The following RBM47 variants were observed in gnomAD, a reference collection of about 807,000 sequenced individuals.
RBM47 encodes RNA-binding protein 47.
Under a neutral mutation model 47.1 loss-of-function variants are expected in RBM47, and 21 were observed. That is an observed-to-expected ratio of 0.45 (90% CI 0.32 to 0.64). RBM47 has a LOEUF of 0.64. Ranked by LOEUF, RBM47 falls within the 30% of genes least tolerant of loss-of-function variation. The pLI is 0.05. For synonymous variants in RBM47, 375 were observed against 361.7 expected (o/e 1.04, Z -0.42); for missense variants, 708 against 870.9 (o/e 0.81, Z 2.35).
intron 2 of RBM47, among the ~76,000 whole-genome samples, chr4:40,511,420 G>C (rs111985694): frequency 6.6e-6 from 1 of 152,188 alleles, no homozygotes; most frequent in East Asian, 1.9e-4. Context: ...AAACAAGAAC[G>C]CTTGTAGAGA....
At chr4:40,507,838 G>A (rs1288677880) in intron 2 of RBM47, among the ~76,000 whole-genome samples, 1 of 151,592 alleles carries the variant, frequency 6.6e-6, no homozygotes, top group Non-Finnish European at 1.5e-5. Context: ...AATTTGAAGG[G>A]AAAAAGAGAC....
chr4:40,533,538 G>T (rs1403420527), intron 2 of RBM47, among the ~76,000 whole-genome samples: 1 of 151,962 alleles, frequency 6.6e-6, no homozygotes, highest in South Asian at 2.1e-4. Flanking sequence ...TACACCAGAG[G>T]TTATCTATAC....
At chr4:40,477,092 A>C (rs757685649) in intron 2 of RBM47, among the ~76,000 whole-genome samples, 1 of 152,070 alleles carries the variant, frequency 6.6e-6, no homozygotes, top group Non-Finnish European at 1.5e-5. Context: ...CTGAGGCATG[A>C]GAATCGCTAG....
chr4:40,432,630 T>G, intron 6 of RBM47, 21 bp downstream of exon 6: 1 of 1,610,098 alleles, frequency 6.2e-7, no homozygotes, highest in Non-Finnish European at 8.5e-7. Flanking sequence ...CAAATGACAA[T>G]GCCTGCAATA....
At chr4:40,481,417 T>G (rs1157808655) in intron 2 of RBM47, among the ~76,000 whole-genome samples, 2 of 147,262 alleles carry the variant, frequency 1.4e-5, no homozygotes, top group Non-Finnish European at 3.0e-5. Flanking sequence ...GGACTACAGG[T>G]GAATGTCACC....
At chr4:40,579,336 C>T (rs113837706) in intron 1 of RBM47, among the ~76,000 whole-genome samples, 12 of 145,856 alleles carry the variant, frequency 8.2e-5, no homozygotes, top group African/African-American at 3.0e-4. Context: ...GCAGGAGAAC[C>T]ACTTGAACCC....
At chr4:40,461,846 A>G (rs1395779207) in intron 3 of RBM47, among the ~76,000 whole-genome samples, 6 of 152,062 alleles carry the variant, frequency 3.9e-5, no homozygotes, top group Non-Finnish European at 5.9e-5. Context: ...GAGGTAGGAG[A>G]ATCGCTTGAA....
chr4:40,511,845 G>T (rs1048383694), intron 2 of RBM47, among the ~76,000 whole-genome samples: 2 of 150,912 alleles, frequency 1.3e-5, no homozygotes, highest in Non-Finnish European at 2.9e-5. Context: ...TGAGGCAGGA[G>T]AATCGCCTGA....
At chr4:40,547,773 CA>C (rs1339571726) in intron 1 of RBM47, among the ~76,000 whole-genome samples, 1 of 152,212 alleles carries the variant, frequency 6.6e-6, no homozygotes, top group African/African-American at 2.4e-5. Context: ...TGAGGCCATA[CA>C]AAAGACGGCT....
chr4:40,479,131 T>C (rs112008590), intron 2 of RBM47, among the ~76,000 whole-genome samples: 2,263 of 152,316 alleles, frequency 0.015, 63 homozygotes, highest in African/African-American at 0.051. Flanking sequence ...TAAAGCAGTA[T>C]CCACAAGCCT....
intron 2 of RBM47, among the ~76,000 whole-genome samples, chr4:40,468,022 A>T (rs549237505): frequency 1.3e-5 from 2 of 152,346 alleles, no homozygotes; most frequent in South Asian, 4.1e-4. Flanking sequence ...GTGGTGGCTC[A>T]TGCCTGTAAT....
intron 3 of RBM47, among the ~76,000 whole-genome samples, chr4:40,449,119 T>C (rs914718613): frequency 1.3e-5 from 2 of 152,052 alleles, no homozygotes; most frequent in Admixed American, 6.6e-5. Flanking sequence ...AGTTTGAAAG[T>C]GGAAAAGGAG....
rs183248654 is a variant in RBM47, at chr4:40,509,877, C to G, written c.-155+34545G>C. ...CAGCCTGGGCGACAGAGTGAGACTC[C>G]GTCTCAAAAAAAAAAAGTAAAGAAA... On this transcript the variant is annotated intron_variant, in intron 2 of 6. Coordinates refer to ENST00000295971, the MANE Select transcript of RBM47 (RefSeq NM_001098634.2). Among the ~76,000 whole-genome samples, 612 of 131,766 alleles carry G rather than the reference C, an allele frequency of 4.6e-3. 3 individuals carry two copies. Among genetic ancestry groups the G allele is most frequent in the Non-Finnish European group, 7.3e-3 (457 of 62,972 alleles). The allele number at this position is 131,766 out of a possible 152,430, so 86.4% of individuals were successfully genotyped here.
chr4:40,522,214 C>A lies in RBM47; in HGVS notation c.-155+22208G>T, dbSNP rs78409004. On this transcript the variant is annotated intron_variant, in intron 2 of 6. Transcript: ENST00000295971. The stretch of plus-strand genomic sequence containing the variant: ...TCTGCTGCAACTAACCTTTAAGAAA[C>A]TACCTCTTGGCTGGGTGCAGTGGCT... Among the ~76,000 whole-genome samples, 362 of 152,120 alleles carry A rather than the reference C, an allele frequency of 2.4e-3. 9 individuals carry two copies. In the East Asian group the frequency reaches 0.032, roughly 13 times the overall value.
chr4:40,463,178 G>A (rs75631070), intron 3 of RBM47, among the ~76,000 whole-genome samples: 4,631 of 152,126 alleles, frequency 0.03, 85 homozygotes, highest in Non-Finnish European at 0.046. Flanking sequence ...TTATACATCC[G>A]CAAAGATATA....
intron 1 of RBM47, among the ~76,000 whole-genome samples, chr4:40,618,339 T>C (rs1244464101): frequency 6.6e-6 from 1 of 151,938 alleles, no homozygotes; most frequent in South Asian, 2.1e-4. Context: ...GGCAGGAGGA[T>C]TGATTGCTTG....
At chr4:40,595,923 A>G (rs1174550512) in intron 1 of RBM47, among the ~76,000 whole-genome samples, 1 of 152,166 alleles carries the variant, frequency 6.6e-6, no homozygotes, top group Non-Finnish European at 1.5e-5. Flanking sequence ...AAAAAAAAAA[A>G]AAGAGATGTT....
At chr4:40,445,930 C>T (rs528546371) in intron 3 of RBM47, among the ~76,000 whole-genome samples, 1 of 152,258 alleles carries the variant, frequency 6.6e-6, no homozygotes, top group East Asian at 1.9e-4. Context: ...ACACAGAGTT[C>T]CCCAGTTTCA....
At chr4:40,573,139 C>G (rs1322781492) in intron 1 of RBM47, among the ~76,000 whole-genome samples, 12 of 107,838 alleles carry the variant, frequency 1.1e-4, no homozygotes, top group Admixed American at 3.8e-4. Flanking sequence ...GGTGACAGAG[C>G]AAGACTTCAT....
Sources: allele counts gnomAD v4.1 joint callset (sites outside exome capture counted in the v4.1 genomes callset), GRCh38; gene constraint gnomAD v4.1.1; transcripts MANE v1.5; gene names NCBI Gene and HGNC (gene_info 2026-07-23, HGNC 2026-07-21).